Variants in ATG2B observed in about 807,000 individuals in gnomAD.
ATG2B encodes autophagy-related protein 2 homolog B.
Under a neutral mutation model 241.3 loss-of-function variants are expected in ATG2B, and 121 were observed. That is an observed-to-expected ratio of 0.50 (90% CI 0.43 to 0.58). The LOEUF (loss-of-function observed/expected upper bound fraction) is 0.58. Among genes scored for constraint, ATG2B ranks in the 20% least tolerant of loss-of-function variants. ATG2B has a pLI of 0.00. For missense variants in ATG2B, 2,306 were observed against 2,491.6 expected, an observed-to-expected ratio of 0.93 and a Z score of 1.59; for synonymous variants, 858 against 876.6, an observed-to-expected ratio of 0.98 and a Z score of 0.37.
chr14:96,336,442 A>G (rs1439644199), intron 6 of ATG2B, among the ~76,000 whole-genome samples: 1 of 152,234 alleles, frequency 6.6e-6, no homozygotes, highest in East Asian at 1.9e-4. Context: ...GTACTTCTAA[A>G]TATTAAATAT....
chr14:96,345,974 C>T (rs866943332), intron 2 of ATG2B, among the ~76,000 whole-genome samples: 1 of 152,068 alleles, frequency 6.6e-6, no homozygotes, highest in Non-Finnish European at 1.5e-5. Context: ...GTAAATTCTG[C>T]CCTCAGAGAA....
intron 5 of ATG2B, among the ~76,000 whole-genome samples, chr14:96,342,488 G>A (rs567237207): frequency 6.6e-6 from 1 of 152,244 alleles, no homozygotes; most frequent in South Asian, 2.1e-4. Context: ...TTGGGAGGCT[G>A]AGGCAGGTGG....
At chr14:96,356,170 CAA>C (rs10712581) in intron 1 of ATG2B, among the ~76,000 whole-genome samples, 232 of 130,446 alleles carry the variant, frequency 1.8e-3, no homozygotes, top group African/African-American at 1.8e-3. Flanking sequence ...GAATGCGGCT[CAA>C]AAAAAAAAAA....
chr14:96,350,096 T>C (rs1164055642), intron 1 of ATG2B, among the ~76,000 whole-genome samples: 1 of 152,106 alleles, frequency 6.6e-6, no homozygotes, highest in Non-Finnish European at 1.5e-5. Context: ...GCAGAGGTTA[T>C]AGTGAGCCAA....
chr14:96,299,954 T>C (rs1434415591), intron 34 of ATG2B, among the ~76,000 whole-genome samples: 1 of 152,256 alleles, frequency 6.6e-6, no homozygotes, highest in African/African-American at 2.4e-5. Flanking sequence ...GACCATTTAC[T>C]ATCCCAAAAT....
intron 23 of ATG2B, among the ~76,000 whole-genome samples, chr14:96,313,729 A>T (rs1456721395): frequency 6.6e-6 from 1 of 152,196 alleles, no homozygotes; most frequent in African/African-American, 2.4e-5. Flanking sequence ...TAAATTTTTT[A>T]AAAGTATTTG....
chr14:96,334,447 C>A lies in ATG2B; in HGVS notation c.979G>T (p.Val327Leu). The A allele has an allele frequency of 3.1e-6, 5 of 1,611,582 alleles. No homozygotes were observed. The highest frequency in any genetic ancestry group is 4.2e-6 in the Non-Finnish European group (5 of 1,179,100). The change falls in exon 7 of 42, where the codon GTG (valine) becomes TTG (leucine). Residue 327 changes from valine to leucine, a missense_variant. Coordinates refer to ENST00000359933, the MANE Select transcript of ATG2B (RefSeq NM_018036.7). ...GCCAACATATCCAAAAGCAAGTGCA[C>A]CTGTCTTGGTGACAGGAGTAGATGA... is the stretch of plus-strand genomic sequence containing the variant. ...SIHLLLSPRQ[V>L]HLLLDMLAAI...
At position 96,286,040 on chromosome 14, in the gene ATG2B, A is replaced by T. The variant is rs1886328211; in HGVS notation, c.6007-55T>A. On this transcript the variant is annotated intron_variant, in intron 41 of 41. Coordinates refer to ENST00000359933, the MANE Select transcript of ATG2B (RefSeq NM_018036.7). ...AGGGCAGTGAACAAACTCTGGTCGG[A>T]AAACTCTCTAAGCTATCCTGCAGTA... 4.2e-6 allele frequency: 6 copies of T among 1,423,236 alleles called. No homozygotes were observed. The South Asian group carries it at 7.3e-5, about 17-fold the overall frequency. The allele number at this position is 1,423,236 out of a possible 1,614,324, so 88.2% of individuals were successfully genotyped here.
intron 5 of ATG2B, among the ~76,000 whole-genome samples, chr14:96,342,790 T>C (rs745572020): frequency 1.8e-4 from 27 of 151,248 alleles, no homozygotes; most frequent in Admixed American, 1.5e-3. Flanking sequence ...ATCCCCAAGA[T>C]ACCTCATTAT....
intron 29 of ATG2B, among the ~76,000 whole-genome samples, chr14:96,308,253 C>CATATATATATATATATATATATATAT (rs1309788039): frequency 2.7e-5 from 1 of 36,428 alleles, no homozygotes; most frequent in Non-Finnish European, 4.3e-5. Flanking sequence ...TATATATATA[C>CATATATATATATATATATATATATAT]ACACATATAT....
chr14:96,328,431 A>G lies in ATG2B; in HGVS notation c.2079T>C (p.Asn693=), dbSNP rs1249861527. The G allele has an allele frequency of 1.2e-6, 2 of 1,613,730 alleles. No individual in the cohort carries two copies. The highest frequency in any genetic ancestry group is 1.7e-6 in the Non-Finnish European group (2 of 1,179,842). ...ELDISIVDRL[N]SLLQPQKLAT... is the part of the protein sequence containing the mutation. The stretch of plus-strand genomic sequence containing the variant: ...CAAGTTTCTGTGGTTGAAGCAAGGA[A>G]TTTAACCTGTCCACAATACTGATAT... The change falls in exon 14 of 42, where the codon AAT becomes AAC. Residue 693 remains asparagine, a synonymous_variant. Transcript: ENST00000359933.
At chr14:96,337,447 T>C (rs1049838810) in intron 6 of ATG2B, among the ~76,000 whole-genome samples, 7 of 152,172 alleles carry the variant, frequency 4.6e-5, no homozygotes, top group African/African-American at 1.7e-4. Flanking sequence ...TTATACAGTG[T>C]CAAAGCTATG....
chr14:96,308,316 G>A (rs767181993), intron 29 of ATG2B, among the ~76,000 whole-genome samples: 2 of 110,166 alleles, frequency 1.8e-5, no homozygotes, highest in Non-Finnish European at 3.5e-5. Flanking sequence ...ACAGAATCTC[G>A]CTCTATTACC....
chr14:96,319,400 T>C (rs927935320), intron 18 of ATG2B, among the ~76,000 whole-genome samples: 3 of 152,188 alleles, frequency 2.0e-5, no homozygotes, highest in African/African-American at 7.2e-5. Context: ...GCTCAGTACA[T>C]ATTTAATGAA....
intron 16 of ATG2B, 101 bp downstream of exon 16, chr14:96,323,795 G>T: frequency 1.3e-6 from 1 of 779,516 alleles, no homozygotes; most frequent in Non-Finnish European, 2.1e-6. Flanking sequence ...AATCAAGGAT[G>T]GACATGTTTA....
In ATG2B at chr14:96,282,374, T is replaced by C. The variant is rs1184698716; in HGVS notation, c.*3381A>G. 1 of 152,224 alleles carries C rather than the reference T, an allele frequency of 6.6e-6. No individual in the cohort carries two copies. The highest frequency in any genetic ancestry group is 6.5e-5 in the Admixed American group (1 of 15,284). 9.4% of individuals were successfully genotyped at this position (152,224 alleles called of 1,614,324 possible). A position where few individuals can be genotyped will look rare whatever the true frequency, so the allele number is the denominator to read the frequency against. ...GGAGAAAAGAACTTGACGGACATTCTCTCTGAAGTCTTAAGGAGGTCAAAA... is the reference window on the plus strand; with the variant it reads ...GGAGAAAAGAACTTGACGGACATTCCCTCTGAAGTCTTAAGGAGGTCAAAA... On this transcript the variant is annotated 3_prime_UTR_variant, in exon 42 of 42. Transcript: ENST00000359933.
chr14:96,325,165 A>G (rs946405966), intron 15 of ATG2B, among the ~76,000 whole-genome samples: 2 of 152,212 alleles, frequency 1.3e-5, no homozygotes, highest in East Asian at 1.9e-4. Flanking sequence ...TGATTCTGCC[A>G]TTGACTACAA....
chr14:96,339,300 GT>G (rs1887947198), intron 6 of ATG2B, among the ~76,000 whole-genome samples: 1 of 149,474 alleles, frequency 6.7e-6, no homozygotes, highest in Admixed American at 6.6e-5. Context: ...GTGTGTGTGT[GT>G]GTGTATACAT....
rs540821791 is a variant in ATG2B at position 96,324,860 on chromosome 14, G to A, written c.2437+789C>T. ...AATACCTCTTAAGATACGTAAAACC[G>A]AGAGAGAAAAGAAGGGGAACTTTTG... On this transcript the variant is annotated intron_variant, in intron 15 of 41. Coordinates refer to ENST00000359933, the MANE Select transcript of ATG2B (RefSeq NM_018036.7). Among the ~76,000 whole-genome samples, 70 of 152,122 alleles carry A rather than the reference G, an allele frequency of 4.6e-4. 1 individual carries two copies. The South Asian group carries it at 0.013, about 28-fold the overall frequency.
Sources: gnomAD v4.1 joint callset for allele counts (sites outside exome capture counted in the v4.1 genomes callset) on GRCh38, gnomAD v4.1.1 for gene constraint, MANE v1.5 for transcripts, NCBI Gene and HGNC (gene_info 2026-07-23, HGNC 2026-07-21) for gene names.